DYRK3: variants seen among roughly 807,000 people sequenced by gnomAD.
The protein encoded by DYRK3 is dual specificity tyrosine phosphorylation regulated kinase 3.
Under a neutral mutation model 40.8 loss-of-function variants are expected in DYRK3, and 30 were observed. That is an observed-to-expected ratio of 0.74 (90% confidence interval 0.55 to 1.00). The LOEUF (loss-of-function observed/expected upper bound fraction) is 1.00. Among genes scored for constraint, DYRK3 ranks in the 50% least tolerant of loss-of-function variants. The pLI, the probability that DYRK3 is intolerant of heterozygous loss-of-function variation, is 0.00. For missense variants in DYRK3, 699 were observed against 731.5 expected, an observed-to-expected ratio of 0.96 and a Z score of 0.51; for synonymous variants, 272 against 260.7, an observed-to-expected ratio of 1.04 and a Z score of -0.42.
chr1:206,649,056 GT>G lies in DYRK3; in HGVS notation c.*96del. On this transcript the variant is annotated 3_prime_UTR_variant, in exon 3 of 3. Transcript: ENST00000367109. ...AAAAAATGCAAGCCCATTGGTGGAT[GT>G]TTTTGTTAGAGTAGACTTTTTTTAA... is the stretch of plus-strand genomic sequence containing the variant. 1.5e-6 allele frequency: 2 copies of G among 1,364,760 alleles called. No homozygotes were observed. Among genetic ancestry groups the G allele is most frequent in the Non-Finnish European group, 2.0e-6 (2 of 1,021,650 alleles). The allele number at this position is 1,364,760 out of a possible 1,614,324, so 84.5% of individuals were successfully genotyped here. A position where few individuals can be genotyped will look rare whatever the true frequency, so the allele number is the denominator to read the frequency against.
rs1175819308 is a variant in DYRK3, at chr1:206,651,070, A to G, written c.*2105A>G. On this transcript the variant is annotated 3_prime_UTR_variant, in exon 3 of 3. Transcript: ENST00000367109. ...TTCTAAGTCTGCATCCTATCTCTTG[A>G]TTCCATTGCCTGAAGAAGCTGTGTG... 1.3e-5 allele frequency among the ~76,000 whole-genome samples: 2 copies of G among 152,128 alleles called. No homozygotes were observed. The highest frequency in any genetic ancestry group is 2.9e-5 in the Non-Finnish European group (2 of 68,030).
At chr1:206,646,144 G>A (rs115701262) in intron 2 of DYRK3, among the ~76,000 whole-genome samples, 1,576 of 152,212 alleles carry the variant, frequency 0.01, 21 homozygotes, top group African/African-American at 0.035. Flanking sequence ...GACACCACAC[G>A]TGGCCAAAAA....
Position 206,648,959 on chromosome 1 carries a change from T to G in DYRK3, c.1761T>G (p.Ile587Met). The G allele has an allele frequency of 6.2e-7, 1 of 1,608,270 alleles. No individual in the cohort carries two copies. The highest frequency in any genetic ancestry group is 1.1e-5 in the South Asian group (1 of 90,954). ...TATGCAGTGTATTGCCAAAACTGATTAGCTAGTGGACAGAGATATGCCCAG... is the reference window on the plus strand; with the variant it reads ...TATGCAGTGTATTGCCAAAACTGATGAGCTAGTGGACAGAGATATGCCCAG... ...IPLCSVLPKLIS is the reference protein window; with the variant it reads ...IPLCSVLPKLMS Residue 587 changes from isoleucine (I) to methionine (M), a missense_variant, in exon 3 of 3, where the codon ATT becomes ATG. Coordinates refer to ENST00000367109, the MANE Select transcript of DYRK3 (RefSeq NM_003582.4).
At position 206,654,540 on chromosome 1, in the gene DYRK3, T is replaced by A. The variant is rs1553421649; in HGVS notation, c.*5575T>A. Among the ~76,000 whole-genome samples the A allele has an allele frequency of 6.6e-6, 1 of 152,200 alleles. No individual in the cohort carries two copies. The highest frequency in any genetic ancestry group is 1.9e-4 in the East Asian group (1 of 5,198). On this transcript the variant is annotated 3_prime_UTR_variant, in exon 3 of 3. Transcript: ENST00000367109. ...ATATCCCCATTTTAACATACTCCATTTTCACCTTCAACCTATCCTTCCTGA... is the reference window on the plus strand; with the variant it reads ...ATATCCCCATTTTAACATACTCCATATTCACCTTCAACCTATCCTTCCTGA...
At position 206,648,097 on chromosome 1, in the gene DYRK3, A is replaced by G. The variant is rs1671514079; in HGVS notation, c.899A>G (p.Lys300Arg). 2 of 1,613,952 alleles carry G rather than the reference A, an allele frequency of 1.2e-6. No homozygotes were observed. The highest frequency in any genetic ancestry group is 1.7e-6 in the Non-Finnish European group (2 of 1,180,016). The change falls in exon 3 of 3, where the codon AAA becomes AGA. Residue 300 changes from lysine (K) to arginine (R), a missense_variant. By Grantham distance (26) the Lys-to-Arg change is conservative (BLOSUM62 2). Coordinates refer to ENST00000367109, the MANE Select transcript of DYRK3 (RefSeq NM_003582.4). ...AGCATAGACCTTTATGAGCTGATTA[A>G]AAAAAATAAGTTTCAGGGTTTTAGC... is the stretch of plus-strand genomic sequence containing the variant. ...LLSIDLYELI[K>R]KNKFQGFSVQ...
At chr1:206,642,067 T>C in intron 2 of DYRK3, among the ~76,000 whole-genome samples, 1 of 150,330 alleles carries the variant, frequency 6.7e-6, no homozygotes, top group African/African-American at 2.5e-5. Flanking sequence ...ACAAAGAACT[T>C]AAACAAATTT....
chr1:206,640,684 G>A (rs1354624668), intron 2 of DYRK3, among the ~76,000 whole-genome samples: 1 of 151,860 alleles, frequency 6.6e-6, no homozygotes, highest in African/African-American at 2.4e-5. Flanking sequence ...CCGAGTAGCT[G>A]GGACTACAGG....
In DYRK3 at chr1:206,647,395, C is replaced by G. The variant is rs528845833; in HGVS notation, c.197C>G (p.Thr66Ser). 1.0e-5 allele frequency: 16 copies of G among 1,597,952 alleles called. No individual in the cohort carries two copies. The highest frequency in any genetic ancestry group is 4.0e-5 in the African/African-American group (3 of 74,324). The change falls in exon 3 of 3, where the codon ACT becomes AGT. Residue 66 changes from threonine (T) to serine (S), a missense_variant. By Grantham distance (58) the Thr-to-Ser change is moderately conservative (BLOSUM62 1). Transcript: ENST00000367109. ...TCATTTTCTCTTTCATAGATGACCA[C>G]TGAGCAGTTTACAGGAGATCATACT... The part of the protein sequence containing the change: ...PPPPRRLNMT[T>S]EQFTGDHTQH...
chr1:206,640,228 G>A lies in DYRK3; in HGVS notation c.189+2467G>A, dbSNP rs569047217. On this transcript the variant is annotated intron_variant, in intron 2 of 2. Coordinates refer to ENST00000367109, the MANE Select transcript of DYRK3 (RefSeq NM_003582.4). The stretch of plus-strand genomic sequence containing the variant: ...AGGCTTTACAGGCGTGAGCCACCAC[G>A]CCTGGCTGTCTTTACTCATTTTGCT... Among the ~76,000 whole-genome samples, 61 of 152,046 alleles carry A rather than the reference G, an allele frequency of 4.0e-4. No homozygotes were observed. In the Middle Eastern group the frequency reaches 0.01, roughly 26 times the overall value.
chr1:206,643,798 C>A (rs1553419680), intron 2 of DYRK3, among the ~76,000 whole-genome samples: 1 of 151,906 alleles, frequency 6.6e-6, no homozygotes, highest in Admixed American at 6.6e-5. Flanking sequence ...ATGGAGGAAG[C>A]CGCCAGCAAG....
chr1:206,637,718 T>G lies in DYRK3; in HGVS notation c.146T>G (p.Val49Gly). The change falls in exon 2 of 3, where the codon GTA becomes GGA. Residue 49 changes from valine (V) to glycine (G), a missense_variant. By Grantham distance (109) the Val-to-Gly change is moderately radical. Transcript: ENST00000367109. ...DETKCPPCSNVLCNPSEPPPP... is the reference protein window; with the variant it reads ...DETKCPPCSNGLCNPSEPPPP... ...ACCAAATGTCCCCCCTGTTCAAATG[T>G]ACTCTGCAATCCTTCTGAACCACCT... is the stretch of plus-strand genomic sequence containing the variant. 1 of 1,614,104 alleles carries G rather than the reference T, an allele frequency of 6.2e-7. No individual in the cohort carries two copies. The highest frequency in any genetic ancestry group is 8.5e-7 in the Non-Finnish European group (1 of 1,179,966).
rs1240921972 is a variant in DYRK3 at position 206,635,647 on chromosome 1, G to T, written c.-57G>T. On this transcript the variant is annotated 5_prime_UTR_variant, in exon 1 of 3. Transcript: ENST00000367109. ...AGGCAGCCGTCCCGGCGTAGGTGGC[G>T]TGGCCGACCGGACCCCCAACTGGCG... The T allele has an allele frequency of 8.0e-7, 1 of 1,242,778 alleles. No individual in the cohort carries two copies. 77.0% of individuals were successfully genotyped at this position (1,242,778 alleles called of 1,614,324 possible).
chr1:206,651,584 A>G lies in DYRK3; in HGVS notation c.*2619A>G, dbSNP rs1671633905. Reference sequence around the variant, plus strand: ...ACTCTTTCAGTAGATATGAGCTTACATTGACTTATGAATGGTTTTCCTGTA... The same window carrying G: ...ACTCTTTCAGTAGATATGAGCTTACGTTGACTTATGAATGGTTTTCCTGTA... On this transcript the variant is annotated 3_prime_UTR_variant, in exon 3 of 3. Coordinates refer to ENST00000367109, the MANE Select transcript of DYRK3 (RefSeq NM_003582.4). Among the ~76,000 whole-genome samples the G allele has an allele frequency of 6.6e-6, 1 of 152,224 alleles. No individual in the cohort carries two copies. Among genetic ancestry groups the G allele is most frequent in the Admixed American group, 6.5e-5 (1 of 15,284 alleles).
chr1:206,642,484 G>A (rs1671319418), intron 2 of DYRK3, among the ~76,000 whole-genome samples: 2 of 152,220 alleles, frequency 1.3e-5, no homozygotes, highest in African/African-American at 4.8e-5. Context: ...GCACATGTAT[G>A]TTTATTGTGG....
chr1:206,639,794 GCTATTTAC>G (rs1418083728), intron 2 of DYRK3, among the ~76,000 whole-genome samples: 10 of 151,980 alleles, frequency 6.6e-5, no homozygotes, highest in Non-Finnish European at 1.3e-4. Context: ...GTTAGCCGAT[GCTATTTAC>G]CTTCCAGTAG....
chr1:206,648,540 A>G lies in DYRK3; in HGVS notation c.1342A>G (p.Ile448Val), dbSNP rs782722254. 6 of 1,614,048 alleles carry G rather than the reference A, an allele frequency of 3.7e-6. No homozygotes were observed. The African/African-American group carries it at 8.0e-5, about 22-fold the overall frequency. The change falls in exon 3 of 3, where the codon ATA becomes GTA. Residue 448 changes from isoleucine to valine, a missense_variant. Ile to Val is a conservative substitution (Grantham distance 29). Coordinates refer to ENST00000367109, the MANE Select transcript of DYRK3 (RefSeq NM_003582.4). ...RAKYFINSKGIPRYCSVTTQA... is the reference protein window; with the variant it reads ...RAKYFINSKGVPRYCSVTTQA... ...CAAGTACTTTATTAATTCCAAGGGC[A>G]TACCCCGCTACTGCTCTGTGACTAC...
chr1:206,648,282 G>C lies in DYRK3; in HGVS notation c.1084G>C (p.Glu362Gln). 6.2e-7 allele frequency: 1 copy of C among 1,614,058 alleles called. No homozygotes were observed. Among genetic ancestry groups the C allele is most frequent in the Non-Finnish European group, 8.5e-7 (1 of 1,180,026 alleles). ...KVIDFGSSCF[E>Q]YQKLYTYIQS... Reference sequence around the variant, plus strand: ...CATTGACTTTGGGTCCAGCTGTTTCGAGTACCAGAAGCTCTACACATATAT... The same window carrying C: ...CATTGACTTTGGGTCCAGCTGTTTCCAGTACCAGAAGCTCTACACATATAT... The change falls in exon 3 of 3, where the codon GAG becomes CAG. Residue 362 changes from glutamate to glutamine, a missense_variant. By Grantham distance (29) the Glu-to-Gln change is conservative. Coordinates refer to ENST00000367109, the MANE Select transcript of DYRK3 (RefSeq NM_003582.4).
rs149083059 is a variant in DYRK3, at chr1:206,653,121, G to C, written c.*4156G>C. Reference sequence around the variant, plus strand: ...CAGCCTCAACCTCCCAGGCTCAGGTGATTCTCCCATCTCAACCTCCAGAGT... The same window carrying C: ...CAGCCTCAACCTCCCAGGCTCAGGTCATTCTCCCATCTCAACCTCCAGAGT... On this transcript the variant is annotated 3_prime_UTR_variant, in exon 3 of 3. Coordinates refer to ENST00000367109, the MANE Select transcript of DYRK3 (RefSeq NM_003582.4). 6.6e-6 allele frequency among the ~76,000 whole-genome samples: 1 copy of C among 152,154 alleles called. No homozygotes were observed. Among genetic ancestry groups the C allele is most frequent in the East Asian group, 1.9e-4 (1 of 5,170 alleles).
chr1:206,648,598 G>T lies in DYRK3; in HGVS notation c.1400G>T (p.Gly467Val). The T allele has an allele frequency of 6.2e-7, 1 of 1,614,040 alleles. No homozygotes were observed. The highest frequency in any genetic ancestry group is 8.5e-7 in the Non-Finnish European group (1 of 1,179,938). The change falls in exon 3 of 3, where the codon GGT becomes GTT. Residue 467 changes from glycine (G) to valine (V), a missense_variant. Coordinates refer to ENST00000367109, the MANE Select transcript of DYRK3 (RefSeq NM_003582.4). ...GATGGGAGGGTTGTGCTTGTGGGGG[G>T]TCGCTCACGTAGGGGTAAAAAGCGG... ...QADGRVVLVG[G>V]RSRRGKKRGP... is the part of the protein sequence containing the mutation.
Sources: allele counts gnomAD v4.1 joint callset (sites outside exome capture counted in the v4.1 genomes callset), GRCh38; gene constraint gnomAD v4.1.1; transcripts MANE v1.5; gene names NCBI Gene and HGNC (gene_info 2026-07-23, HGNC 2026-07-21).